DNAJC5: variants seen among roughly 807,000 people sequenced by gnomAD.
DNAJC5 encodes the protein DnaJ heat shock protein family (Hsp40) member C5, also known as dnaJ homolog subfamily C member 5.
A neutral mutation model predicts 23.2 loss-of-function variants in DNAJC5; 1 was observed. That is an observed-to-expected ratio of 0.04 (90% confidence interval 0.02 to 0.20). DNAJC5 has a LOEUF of 0.20. Ranked by LOEUF, DNAJC5 falls within the 10% of genes least tolerant of loss-of-function variation. The pLI is 1.00. For missense variants in DNAJC5, 180 were observed against 267.0 expected, an observed-to-expected ratio of 0.67 and a Z score of 2.27; for synonymous variants, 136 against 120.0, an observed-to-expected ratio of 1.13 and a Z score of -0.87.
chr20:63,927,542 C>T (rs548531799), intron 1 of DNAJC5, among the ~76,000 whole-genome samples: 1 of 149,134 alleles, frequency 6.7e-6, no homozygotes, highest in Non-Finnish European at 1.5e-5. Flanking sequence ...CTGTCCCCCC[C>T]CCCAAAAAAG....
chr20:63,897,402 A>G (rs1374848098), intron 1 of DNAJC5, among the ~76,000 whole-genome samples: 1 of 151,898 alleles, frequency 6.6e-6, no homozygotes, highest in Non-Finnish European at 1.5e-5. Flanking sequence ...CTTATAAAAA[A>G]AATAAAAATA....
chr20:63,916,948 A>C (rs957238396), intron 1 of DNAJC5, among the ~76,000 whole-genome samples: 1 of 152,190 alleles, frequency 6.6e-6, no homozygotes, highest in Non-Finnish European at 1.5e-5. Context: ...TTCCCTGAAA[A>C]TCACGATTAT....
At chr20:63,912,993 CG>C (rs2053491353) in intron 1 of DNAJC5, among the ~76,000 whole-genome samples, 1 of 110,410 alleles carries the variant, frequency 9.1e-6, no homozygotes, top group Non-Finnish European at 1.8e-5. Context: ...TTTTATTTTT[CG>C]TATTTGTATT....
intron 1 of DNAJC5, among the ~76,000 whole-genome samples, chr20:63,909,752 T>C (rs750763236): frequency 6.6e-6 from 1 of 152,260 alleles, no homozygotes; most frequent in Non-Finnish European, 1.5e-5. Context: ...GCTGGTTTTA[T>C]GCCTTTTCTT....
intron 1 of DNAJC5, among the ~76,000 whole-genome samples, chr20:63,921,362 C>T (rs1374299511): frequency 1.3e-5 from 2 of 152,034 alleles, no homozygotes; most frequent in African/African-American, 4.8e-5. Flanking sequence ...GAGGCCGAGG[C>T]TGGTGGATCA....
At chr20:63,901,916 G>C (rs1001755113) in intron 1 of DNAJC5, among the ~76,000 whole-genome samples, 9 of 152,112 alleles carry the variant, frequency 5.9e-5, no homozygotes, top group Non-Finnish European at 1.2e-4. Context: ...CTTTGCTTGC[G>C]GGGCCTTTTA....
At chr20:63,903,322 C>G (rs1210277484) in intron 1 of DNAJC5, among the ~76,000 whole-genome samples, 1 of 152,132 alleles carries the variant, frequency 6.6e-6, no homozygotes, top group Non-Finnish European at 1.5e-5. Context: ...ACCTCAAACT[C>G]TCTTTTTTGA....
Position 63,931,802 on chromosome 20 carries a change from A to G in DNAJC5, c.*234A>G, listed in dbSNP as rs1215722866. Reference sequence around the variant, plus strand: ...CTGTTTTTTTCCCTTTTTTAATAGCATGTATGGGGTTCTGTTCCATGTCTG... The same window carrying G: ...CTGTTTTTTTCCCTTTTTTAATAGCGTGTATGGGGTTCTGTTCCATGTCTG... On this transcript the variant is annotated 3_prime_UTR_variant, in exon 5 of 5. Coordinates refer to ENST00000360864, the MANE Select transcript of DNAJC5 (RefSeq NM_025219.3). The surrounding 1 kb of genome is among the most constrained non-coding windows in gnomAD (Gnocchi z 9.6). The G allele has an allele frequency of 5.2e-6, 3 of 579,838 alleles. No individual in the cohort carries two copies. The highest frequency in any genetic ancestry group is 1.9e-5 in the African/African-American group (1 of 53,502). The allele number at this position is 579,838 out of a possible 1,614,324, so 35.9% of individuals were successfully genotyped here.
At chr20:63,930,750 G>A in intron 3 of DNAJC5, 101 bp from the exon 4 acceptor site, 1 of 1,578,596 alleles carries the variant, frequency 6.3e-7, no homozygotes, top group East Asian at 2.2e-5. Context: ...ATCCCCACCT[G>A]GAACGCACCC....
Position 63,905,522 on chromosome 20 carries a change from C to T in DNAJC5, c.-12+10199C>T, listed in dbSNP as rs147826237. Among the ~76,000 whole-genome samples the T allele has an allele frequency of 4.8e-4, 73 of 151,800 alleles. 2 individuals are homozygous for T. In the East Asian group the frequency reaches 0.014, roughly 28 times the overall value. ...CCTCTGGGCTCGAGTGATCCTCCCA[C>T]CTCAGGTTACAGGTGTGAGCCACCA... On this transcript the variant is annotated intron_variant, in intron 1 of 4. Coordinates refer to ENST00000360864, the MANE Select transcript of DNAJC5 (RefSeq NM_025219.3).
At chr20:63,899,605 G>A (rs564199615) in intron 1 of DNAJC5, among the ~76,000 whole-genome samples, 1 of 152,102 alleles carries the variant, frequency 6.6e-6, no homozygotes, top group Admixed American at 6.6e-5. Flanking sequence ...TTTTTGAGAC[G>A]GAGTCTCATT....
rs2053701674 is a variant in DNAJC5 at position 63,934,520 on chromosome 20, C to T, written c.*2952C>T. The T allele has an allele frequency of 6.6e-6, 1 of 152,274 alleles. No homozygotes were observed. The highest frequency in any genetic ancestry group is 1.5e-5 in the Non-Finnish European group (1 of 68,048). The allele number at this position is 152,274 out of a possible 1,614,324, so 9.4% of individuals were successfully genotyped here. A position where few individuals can be genotyped will look rare whatever the true frequency, so the allele number is the denominator to read the frequency against. Reference sequence around the variant, plus strand: ...GGGGTCCGGGCAGCACTGACTGCTTCCGACCTGCAGGAGGCGTAGGAGCGG... The same window carrying T: ...GGGGTCCGGGCAGCACTGACTGCTTTCGACCTGCAGGAGGCGTAGGAGCGG... On this transcript the variant is annotated 3_prime_UTR_variant, in exon 5 of 5. Transcript: ENST00000360864.
intron 1 of DNAJC5, among the ~76,000 whole-genome samples, chr20:63,901,462 T>C (rs191809872): frequency 1.3e-4 from 20 of 152,362 alleles, no homozygotes; most frequent in Non-Finnish European, 2.6e-4. Context: ...CTAGTGAAAC[T>C]GCAGAACGAA....
rs2053692136 is a variant in DNAJC5, at chr20:63,933,514, T to C, written c.*1946T>C. On this transcript the variant is annotated 3_prime_UTR_variant, in exon 5 of 5. Coordinates refer to ENST00000360864, the MANE Select transcript of DNAJC5 (RefSeq NM_025219.3). Reference sequence around the variant, plus strand: ...ACAAGAGGAGAGATATGCACTGTGATATTAAATTAGAAATAATTTATCAAA... The same window carrying C: ...ACAAGAGGAGAGATATGCACTGTGACATTAAATTAGAAATAATTTATCAAA... 1 of 152,372 alleles carries C rather than the reference T, an allele frequency of 6.6e-6. No individual in the cohort carries two copies. Among genetic ancestry groups the C allele is most frequent in the Admixed American group, 6.5e-5 (1 of 15,284 alleles). 9.4% of individuals were successfully genotyped at this position (152,372 alleles called of 1,614,324 possible).
chr20:63,899,451 T>C (rs1169352708), intron 1 of DNAJC5, among the ~76,000 whole-genome samples: 1 of 152,270 alleles, frequency 6.6e-6, no homozygotes, highest in East Asian at 1.9e-4. Context: ...AAGTGTGTTC[T>C]GCTTTATTCT....
intron 1 of DNAJC5, among the ~76,000 whole-genome samples, chr20:63,914,818 G>A (rs1238062070): frequency 1.3e-5 from 2 of 151,872 alleles, no homozygotes; most frequent in African/African-American, 4.8e-5. Context: ...GTTTCACTGT[G>A]TTGCCCAGGC....
intron 1 of DNAJC5, among the ~76,000 whole-genome samples, chr20:63,910,171 A>G (rs1400401230): frequency 6.6e-6 from 1 of 152,098 alleles, no homozygotes; most frequent in African/African-American, 2.4e-5. Context: ...CCTTGATTGA[A>G]TAGTCGCTAC....
chr20:63,903,599 G>A (rs1217193121), intron 1 of DNAJC5, among the ~76,000 whole-genome samples: 3 of 152,104 alleles, frequency 2.0e-5, no homozygotes, highest in Non-Finnish European at 4.4e-5. Flanking sequence ...GAGCCACTGC[G>A]CTCGGCCCAT....
At position 63,933,844 on chromosome 20, in the gene DNAJC5, C is replaced by T. The variant is rs1449297639; in HGVS notation, c.*2276C>T. ...CACACAGCTCTGTGGCTAGAACACT[C>T]CAAGGCCCTTCGGTACCCATCAGAG... On this transcript the variant is annotated 3_prime_UTR_variant, in exon 5 of 5. Coordinates refer to ENST00000360864, the MANE Select transcript of DNAJC5 (RefSeq NM_025219.3). 1.3e-5 allele frequency: 2 copies of T among 152,412 alleles called. No individual in the cohort carries two copies. The highest frequency in any genetic ancestry group is 3.8e-4 in the East Asian group (2 of 5,332). 9.4% of individuals were successfully genotyped at this position (152,412 alleles called of 1,614,324 possible).
Sources: gnomAD v4.1 joint callset for allele counts (sites outside exome capture counted in the v4.1 genomes callset) on GRCh38, gnomAD v4.1.1 for gene constraint, Gnocchi (gnomAD v3.1) non-coding constraint, MANE v1.5 for transcripts, NCBI Gene and HGNC (gene_info 2026-07-23, HGNC 2026-07-21) for gene names.